SLC17A5: variants seen among roughly 807,000 people sequenced by gnomAD.
The protein encoded by SLC17A5 is sialin.
In SLC17A5, 47 loss-of-function variants were observed where a neutral mutation model predicts 59.4. The observed-to-expected ratio is 0.79, with a 90% CI of 0.63 to 1.01. The LOEUF is 1.01. Ranked by LOEUF, SLC17A5 falls within the 50% of genes least tolerant of loss-of-function variation. The probability of loss-of-function intolerance (pLI) is 0.00; values close to 1 mark genes in which losing one functional copy is unlikely to be tolerated. For synonymous variants in SLC17A5, 202 were observed against 210.7 expected (o/e 0.96, Z 0.36); for missense variants, 522 against 595.5 (o/e 0.88, Z 1.28).
intron 1 of SLC17A5, among the ~76,000 whole-genome samples, chr6:73,647,778 T>C (rs565690753): frequency 4.6e-5 from 7 of 151,910 alleles, no homozygotes; most frequent in Non-Finnish European, 1.0e-4. Context: ...AATTAGAAAA[T>C]AAAAAGCGGC....
chr6:73,651,483 A>AAAAAAAAC (rs1368983159), intron 1 of SLC17A5, among the ~76,000 whole-genome samples: 18 of 133,838 alleles, frequency 1.3e-4, no homozygotes, highest in Non-Finnish European at 2.3e-4. Flanking sequence ...AAAAAAAAAA[A>AAAAAAAAC]ATCAGGACAT....
At chr6:73,609,712 A>C (rs1337304166) in intron 9 of SLC17A5, among the ~76,000 whole-genome samples, 3 of 152,248 alleles carry the variant, frequency 2.0e-5, no homozygotes, top group Non-Finnish European at 4.4e-5. Flanking sequence ...TAATGAGAGC[A>C]CTGTGGACAG....
intron 1 of SLC17A5, 161 bp downstream of exon 1, chr6:73,653,632 G>A: frequency 5.6e-6 from 3 of 531,246 alleles, no homozygotes; most frequent in Non-Finnish European, 7.2e-6. Flanking sequence ...AGGCGGGACT[G>A]AGCGGCACTC....
At chr6:73,653,747 C>T (rs1031225635) in intron 1 of SLC17A5, 46 bp downstream of exon 1, 27 of 1,510,652 alleles carry the variant, frequency 1.8e-5, no homozygotes, top group African/African-American at 2.8e-5. Context: ...CCGCCGCCCC[C>T]GGTACCGCTG....
intron 10 of SLC17A5, among the ~76,000 whole-genome samples, chr6:73,598,524 G>A (rs1262949276): frequency 6.6e-6 from 1 of 152,068 alleles, no homozygotes; most frequent in Non-Finnish European, 1.5e-5. Context: ...CTAGCTACTT[G>A]GGAGGCTGAG....
chr6:73,611,119 C>T (rs1178901308), intron 8 of SLC17A5, among the ~76,000 whole-genome samples: 1 of 152,150 alleles, frequency 6.6e-6, no homozygotes, highest in Non-Finnish European at 1.5e-5. Flanking sequence ...TGGTGGTGCA[C>T]ACCTGTAGTC....
chr6:73,653,214 C>T, intron 1 of SLC17A5: 1 of 985,410 alleles, frequency 1.0e-6, no homozygotes, highest in Non-Finnish European at 1.2e-6. Flanking sequence ...TGCATACTCA[C>T]AAATGTTAAC....
intron 6 of SLC17A5, among the ~76,000 whole-genome samples, chr6:73,626,995 C>T (rs1768449723): frequency 6.6e-6 from 1 of 152,074 alleles, no homozygotes; most frequent in Non-Finnish European, 1.5e-5. Context: ...TGGTCTTGAA[C>T]TCGTGACCTC....
chr6:73,639,639 G>A (rs1007950969), intron 3 of SLC17A5, among the ~76,000 whole-genome samples: 1 of 152,310 alleles, frequency 6.6e-6, no homozygotes, highest in Admixed American at 6.5e-5. Flanking sequence ...CAGATGGTAG[G>A]AATGCAAGAT....
At chr6:73,602,084 T>C (rs1767150316) in intron 9 of SLC17A5, among the ~76,000 whole-genome samples, 1 of 151,976 alleles carries the variant, frequency 6.6e-6, no homozygotes, top group Admixed American at 6.6e-5. Context: ...TTTCATTTTG[T>C]TCTGTACTAA....
intron 9 of SLC17A5, among the ~76,000 whole-genome samples, chr6:73,605,807 C>G (rs79570791): frequency 0.11 from 16,283 of 151,704 alleles, 1,053 homozygotes; most frequent in Middle Eastern, 0.18. Context: ...GAGAAACTCC[C>G]TCTCTACTAA....
intron 6 of SLC17A5, among the ~76,000 whole-genome samples, chr6:73,626,402 C>T (rs1303262987): frequency 2.0e-5 from 3 of 152,204 alleles, no homozygotes; most frequent in African/African-American, 7.2e-5. Context: ...CTAGGTACAA[C>T]ACAACAGTTT....
At chr6:73,636,771 G>A in intron 4 of SLC17A5, 64 bp from the exon 5 acceptor site, 1 of 1,172,476 alleles carries the variant, frequency 8.5e-7, no homozygotes, top group Non-Finnish European at 1.3e-6. Context: ...GGACAGACAA[G>A]TCTACTGCTT....
intron 7 of SLC17A5, 48 bp downstream of exon 7, chr6:73,621,756 A>G: frequency 2.1e-6 from 3 of 1,408,608 alleles, no homozygotes; most frequent in Non-Finnish European, 3.0e-6. Flanking sequence ...AATTCTGTGT[A>G]TGGTCTTATA....
At chr6:73,645,398 A>G in intron 1 of SLC17A5, 4 of 985,232 alleles carry the variant, frequency 4.1e-6, no homozygotes, top group Non-Finnish European at 4.8e-6. Context: ...TGCAGAACCT[A>G]TGACAGTTGC....
At chr6:73,645,124 T>G (rs1012735940) in intron 1 of SLC17A5, among the ~76,000 whole-genome samples, 6 of 152,150 alleles carry the variant, frequency 3.9e-5, no homozygotes, top group African/African-American at 1.4e-4. Context: ...CATTACTATT[T>G]CTGAAAAACT....
chr6:73,651,460 C>CAAAAAA (rs538079302), intron 1 of SLC17A5, among the ~76,000 whole-genome samples: 2 of 29,908 alleles, frequency 6.7e-5, no homozygotes, highest in African/African-American at 1.8e-4. Context: ...AACTCCGTCT[C>CAAAAAA]AAAAAAAAAA....
intron 7 of SLC17A5, among the ~76,000 whole-genome samples, chr6:73,618,047 T>C (rs754705593): frequency 7.2e-5 from 11 of 151,980 alleles, no homozygotes; most frequent in East Asian, 1.9e-4. Flanking sequence ...CTGGCCAACA[T>C]GGTAAAACCC....
In SLC17A5 at chr6:73,595,182, A is replaced by G; in HGVS notation, c.1383T>C (p.Tyr461=). ...NTVGEWQTVF[Y]IAAAINVFGA... Reference sequence around the variant, plus strand: ...CAAAAACATTAATAGCAGCAGCAATATAGAACACGGTTTGCCATTCTCCAA... The same window carrying G: ...CAAAAACATTAATAGCAGCAGCAATGTAGAACACGGTTTGCCATTCTCCAA... Residue 461 remains tyrosine (Y), a synonymous_variant, in exon 11 of 11, where the codon TAT becomes TAC. Coordinates refer to ENST00000355773, the MANE Select transcript of SLC17A5 (RefSeq NM_012434.5). 1 of 1,614,194 alleles carries G rather than the reference A, an allele frequency of 6.2e-7. No individual in the cohort carries two copies. Among genetic ancestry groups the G allele is most frequent in the Non-Finnish European group, 8.5e-7 (1 of 1,180,034 alleles).
Sources: allele counts gnomAD v4.1 joint callset (sites outside exome capture counted in the v4.1 genomes callset), GRCh38; gene constraint gnomAD v4.1.1; transcripts MANE v1.5; gene names NCBI Gene and HGNC (gene_info 2026-07-23, HGNC 2026-07-21).